The following RFX4 variants were observed in gnomAD, a reference collection of about 807,000 sequenced individuals.
RFX4 encodes regulatory factor X4.
In RFX4, 10 loss-of-function variants were observed where a neutral mutation model predicts 95.0. That is an observed-to-expected ratio of 0.11 (90% CI 0.06 to 0.18). The LOEUF (loss-of-function observed/expected upper bound fraction) is 0.18. Among genes scored for constraint, RFX4 ranks in the 10% least tolerant of loss-of-function variants. The pLI is 1.00. For synonymous variants in RFX4, 321 were observed against 340.7 expected (o/e 0.94, Z 0.64); for missense variants, 640 against 922.0 (o/e 0.69, Z 3.96).
chr12:106,653,671 C>T (rs1164904091), intron 3 of RFX4, among the ~76,000 whole-genome samples: 1 of 152,190 alleles, frequency 6.6e-6, no homozygotes, highest in African/African-American at 2.4e-5. Flanking sequence ...ATGGGGCCAA[C>T]TTCCTCCTCT....
At chr12:106,744,204 T>C (rs1336142697) in intron 15 of RFX4, among the ~76,000 whole-genome samples, 1 of 152,210 alleles carries the variant, frequency 6.6e-6, no homozygotes, top group African/African-American at 2.4e-5. Flanking sequence ...TCCCATTTTC[T>C]TGTACTTATA....
In RFX4 at chr12:106,687,005, G is replaced by C. The variant is rs1000442266; in HGVS notation, c.499G>C (p.Ala167Pro). 2.5e-6 allele frequency: 4 copies of C among 1,613,888 alleles called. No homozygotes were observed. Among genetic ancestry groups the C allele is most frequent in the Non-Finnish European group, 2.5e-6 (3 of 1,180,016 alleles). Residue 167 changes from alanine to proline, a missense_variant, in exon 6 of 18, where the codon GCA (alanine) becomes CCA (proline). Physicochemically the swap from Ala to Pro is conservative, Grantham distance 27. Around this residue, in one of 7 missense-constraint regions of RFX4, gnomAD observed 89 missense variants for 173.8 expected, o/e 0.51. Transcript: ENST00000392842. Reference sequence around the variant, plus strand: ...GAAAGAAGTGAGCAAACAGACAGTGGCATATTCACCCCGGTCCAAACTCGG... The same window carrying C: ...GAAAGAAGTGAGCAAACAGACAGTGCCATATTCACCCCGGTCCAAACTCGG... The part of the protein sequence containing the change: ...GKKEVSKQTV[A>P]YSPRSKLGTL...
At chr12:106,654,833 T>C (rs1241306123) in intron 4 of RFX4, among the ~76,000 whole-genome samples, 2 of 152,206 alleles carry the variant, frequency 1.3e-5, no homozygotes, top group African/African-American at 2.4e-5. Context: ...AATCCACATT[T>C]AGAGCTATGT....
intron 8 of RFX4, among the ~76,000 whole-genome samples, chr12:106,697,935 G>A (rs1592952741): frequency 1.3e-5 from 2 of 151,814 alleles, no homozygotes; most frequent in South Asian, 2.1e-4. Flanking sequence ...GGTTGAATGT[G>A]TGTGTGTTCG....
intron 1 of RFX4, among the ~76,000 whole-genome samples, chr12:106,584,873 G>A (rs1467419744): frequency 6.6e-6 from 1 of 152,174 alleles, no homozygotes; most frequent in East Asian, 1.9e-4. Context: ...AAGCCCCGAA[G>A]TTCTCCTTCC....
intron 7 of RFX4, among the ~76,000 whole-genome samples, chr12:106,690,754 G>C (rs904344363): frequency 6.6e-6 from 1 of 152,286 alleles, no homozygotes; most frequent in African/African-American, 2.4e-5. Context: ...ACGGGAGCTG[G>C]TCCCACGGCC....
At chr12:106,745,642 A>G (rs1307355552) in intron 15 of RFX4, among the ~76,000 whole-genome samples, 3 of 152,198 alleles carry the variant, frequency 2.0e-5, no homozygotes, top group Non-Finnish European at 4.4e-5. Context: ...AATTTTTAAA[A>G]TGAAAACCTT....
chr12:106,758,480 C>T (rs1228137768), intron 17 of RFX4, among the ~76,000 whole-genome samples: 2 of 152,154 alleles, frequency 1.3e-5, no homozygotes, highest in African/African-American at 4.8e-5. Context: ...CTGAGCACAG[C>T]TGTGTCGAGG....
chr12:106,636,243 A>G (rs1422268269), intron 2 of RFX4, among the ~76,000 whole-genome samples: 1 of 152,032 alleles, frequency 6.6e-6, no homozygotes, highest in Non-Finnish European at 1.5e-5. Flanking sequence ...ACAAAAAATT[A>G]GCCAGGCGTG....
At chr12:106,601,160 T>A (rs2039697631) in intron 1 of RFX4, 3 of 1,477,708 alleles carry the variant, frequency 2.0e-6, no homozygotes, top group Non-Finnish European at 1.8e-6. Flanking sequence ...CCCACTGACC[T>A]GAGCCACCCC....
At chr12:106,698,871 T>C (rs1031122877) in intron 8 of RFX4, among the ~76,000 whole-genome samples, 7 of 152,098 alleles carry the variant, frequency 4.6e-5, no homozygotes, top group Non-Finnish European at 8.8e-5. Flanking sequence ...TAGCTTTTGG[T>C]TTCTCTGGTT....
intron 2 of RFX4, among the ~76,000 whole-genome samples, chr12:106,636,329 G>T (rs2040509876): frequency 6.7e-6 from 1 of 150,366 alleles, no homozygotes; most frequent in Non-Finnish European, 1.5e-5. Flanking sequence ...GGTGGATGTT[G>T]CAGTGAGCTG....
chr12:106,593,562 GACACAAATGCATT>G (rs2039576315), intron 1 of RFX4, among the ~76,000 whole-genome samples: 3 of 152,200 alleles, frequency 2.0e-5, no homozygotes, highest in Non-Finnish European at 4.4e-5. Flanking sequence ...TAATTTTTGA[GACACAAATGCATT>G]TTGTGAATAA....
intron 11 of RFX4, among the ~76,000 whole-genome samples, chr12:106,719,297 G>A (rs190026303): frequency 4.5e-4 from 68 of 152,302 alleles, no homozygotes; most frequent in Middle Eastern, 3.4e-3. Context: ...GCCACACAGA[G>A]AGGCTGCTTG....
chr12:106,687,195 C>CAT (rs2041678107), intron 6 of RFX4, 98 bp downstream of exon 6: 1 of 661,298 alleles, frequency 1.5e-6, no homozygotes, highest in Non-Finnish European at 2.5e-6. Context: ...CACACACACA[C>CAT]ACACACACAC....
intron 15 of RFX4, among the ~76,000 whole-genome samples, chr12:106,743,070 A>G (rs891266389): frequency 6.6e-6 from 1 of 152,164 alleles, no homozygotes. Context: ...AGCAGTTTCA[A>G]TACTGTAAGG....
intron 4 of RFX4, among the ~76,000 whole-genome samples, chr12:106,654,789 A>T (rs995158486): frequency 1.3e-5 from 2 of 152,184 alleles, no homozygotes; most frequent in African/African-American, 4.8e-5. Context: ...ACTACAGTCC[A>T]GACTGTTCTC....
intron 2 of RFX4, among the ~76,000 whole-genome samples, chr12:106,636,011 C>T (rs1174284386): frequency 2.6e-5 from 4 of 152,178 alleles, no homozygotes; most frequent in African/African-American, 2.4e-5. Flanking sequence ...CTGGAGAAGG[C>T]ACACTTAAGT....
intron 15 of RFX4, among the ~76,000 whole-genome samples, chr12:106,746,487 T>C (rs1457836555): frequency 6.6e-6 from 1 of 151,898 alleles, no homozygotes; most frequent in South Asian, 2.1e-4. Context: ...AGGGCCATGA[T>C]CATGTCATTG....
Sources: allele counts gnomAD v4.1 joint callset (sites outside exome capture counted in the v4.1 genomes callset), GRCh38; gene constraint gnomAD v4.1.1; regional missense constraint gnomAD v4.1.1; transcripts MANE v1.5; gene names NCBI Gene and HGNC (gene_info 2026-07-23, HGNC 2026-07-21).